The following SEMA3E variants were observed in gnomAD, a reference collection of about 807,000 sequenced individuals.
SEMA3E encodes semaphorin 3E.
In SEMA3E, 49 loss-of-function variants were observed where a neutral mutation model predicts 93.6. The observed-to-expected ratio is 0.52, with a 90% CI of 0.42 to 0.66. The LOEUF (loss-of-function observed/expected upper bound fraction) is 0.66. SEMA3E is among the 30% of genes least tolerant of loss of function. The pLI is 0.00. For missense variants in SEMA3E, 906 were observed against 964.8 expected (o/e 0.94, Z 0.81); for synonymous variants, 363 against 330.7 (o/e 1.10, Z -1.06).
At chr7:83,492,171 G>A (rs774014492) in intron 1 of SEMA3E, among the ~76,000 whole-genome samples, 1 of 151,954 alleles carries the variant, frequency 6.6e-6, no homozygotes, top group Non-Finnish European at 1.5e-5. Context: ...AGACTACAGA[G>A]CTACCCAAAA....
rs183472557 is a variant in SEMA3E, at chr7:83,609,859, T to C, written c.115+38569A>G. ...TGTACTGAATGCTTACTTTATTTTC[T>C]AATGTATTTTAAACCTTACATTTAT... On this transcript the variant is annotated intron_variant, in intron 1 of 16. Transcript: ENST00000643230. Among the ~76,000 whole-genome samples the C allele has an allele frequency of 2.3e-3, 347 of 152,094 alleles. 3 individuals carry two copies. Among genetic ancestry groups the C allele is most frequent in the Middle Eastern group, 3.4e-3 (1 of 292 alleles).
intron 4 of SEMA3E, among the ~76,000 whole-genome samples, chr7:83,451,028 T>C (rs1789349060): frequency 6.6e-6 from 1 of 152,102 alleles, no homozygotes; most frequent in Non-Finnish European, 1.5e-5. Flanking sequence ...ATGGGGGTAG[T>C]TTCCCCCATC....
At chr7:83,438,218 T>C (rs1789042902) in intron 4 of SEMA3E, among the ~76,000 whole-genome samples, 2 of 152,100 alleles carry the variant, frequency 1.3e-5, no homozygotes, top group African/African-American at 4.8e-5. Flanking sequence ...TGATAGAAAA[T>C]TCATCACATA....
chr7:83,488,779 G>A (rs1164209681), intron 2 of SEMA3E, among the ~76,000 whole-genome samples: 1 of 152,098 alleles, frequency 6.6e-6, no homozygotes. Context: ...GACAAGTGGA[G>A]CATGGAGGAT....
intron 1 of SEMA3E, among the ~76,000 whole-genome samples, chr7:83,631,878 G>A (rs760327584): frequency 2.0e-4 from 30 of 152,270 alleles, no homozygotes; most frequent in Middle Eastern, 3.4e-3. Context: ...CTGGTTGGCC[G>A]GGCACAGTGG....
chr7:83,386,857 A>G, intron 15 of SEMA3E, 126 bp downstream of exon 15: 1 of 856,240 alleles, frequency 1.2e-6, no homozygotes, highest in Non-Finnish European at 1.8e-6. Context: ...GAGAAAAAGA[A>G]TACTTATTAC....
At chr7:83,606,022 C>T (rs1386114833) in intron 1 of SEMA3E, among the ~76,000 whole-genome samples, 2 of 152,052 alleles carry the variant, frequency 1.3e-5, no homozygotes, top group Non-Finnish European at 2.9e-5. Flanking sequence ...GATCTTTGCC[C>T]ACATCTCAAA....
chr7:83,647,296 A>G (rs1178182217), intron 1 of SEMA3E, among the ~76,000 whole-genome samples: 1 of 152,192 alleles, frequency 6.6e-6, no homozygotes, highest in African/African-American at 2.4e-5. Context: ...AACGTGTCAC[A>G]TAAAATTGAG....
Position 83,619,941 on chromosome 7 carries a change from A to AGATAGATAGATAGATG in SEMA3E, c.115+28486_115+28487insCATCTATCTATCTATC, listed in dbSNP as rs1191709674. ...TAGATAGACAGATAGATAGATAGAT[A>AGATAGATAGATAGATG]GATGCAAAACCATGTTTGCTCTTTT... is the stretch of plus-strand genomic sequence containing the variant. On this transcript the variant is annotated intron_variant, in intron 1 of 16. Coordinates refer to ENST00000643230, the MANE Select transcript of SEMA3E (RefSeq NM_012431.3). Among the ~76,000 whole-genome samples, 12 of 152,018 alleles carry AGATAGATAGATAGATG rather than the reference A, an allele frequency of 7.9e-5. No individual in the cohort carries two copies. In the South Asian group the frequency reaches 2.5e-3, roughly 32 times the overall value.
rs1247360873 is a variant in SEMA3E, at chr7:83,386,912, T to C, written c.1735+71A>G. 8 of 1,336,980 alleles carry C rather than the reference T, an allele frequency of 6.0e-6. No individual in the cohort carries two copies. The East Asian group carries it at 1.2e-4, about 20-fold the overall frequency. The allele number at this position is 1,336,980 out of a possible 1,614,324, so 82.8% of individuals were successfully genotyped here. A position where few individuals can be genotyped will look rare whatever the true frequency, so the allele number is the denominator to read the frequency against. The stretch of plus-strand genomic sequence containing the variant: ...ATCACAAAGAAAAAAAGGACTCTTT[T>C]TAAGAAGTTTGTAGTTTATGTTCAA... On this transcript the variant is annotated intron_variant, in intron 15 of 16. Transcript: ENST00000643230.
intron 5 of SEMA3E, among the ~76,000 whole-genome samples, chr7:83,413,591 C>T (rs1047598881): frequency 3.3e-5 from 5 of 152,006 alleles, no homozygotes; most frequent in Admixed American, 6.6e-5. Context: ...TTCAACATCC[C>T]GGTTCACACT....
Position 83,367,640 on chromosome 7 carries a change from C to A in SEMA3E, c.2274G>T (p.Lys758Asn). The change falls in exon 17 of 17, where the codon AAG becomes AAT. Residue 758 changes from lysine (K) to asparagine (N), a missense_variant. Physicochemically the swap from Lys to Asn is moderately conservative, Grantham distance 94. Coordinates refer to ENST00000643230, the MANE Select transcript of SEMA3E (RefSeq NM_012431.3). ...KWKYANPQEK[K>N]LRSKPEHYRL... ...GGTAATGCTCAGGTTTGGAACGGAG[C>A]TTCTTTTCCTGAGGGTTGGCATACT... 2 of 1,614,164 alleles carry A rather than the reference C, an allele frequency of 1.2e-6. No homozygotes were observed. The highest frequency in any genetic ancestry group is 1.7e-6 in the Non-Finnish European group (2 of 1,180,020).
At position 83,408,885 on chromosome 7, in the gene SEMA3E, A is replaced by G. The variant is rs562084494; in HGVS notation, c.551-398T>C. On this transcript the variant is annotated intron_variant, in intron 5 of 16. Coordinates refer to ENST00000643230, the MANE Select transcript of SEMA3E (RefSeq NM_012431.3). Reference sequence around the variant, plus strand: ...TCCCTATCATCAGGGCTTTATCATTATGATTGTTATTGTGATGATTACAGG... The same window carrying G: ...TCCCTATCATCAGGGCTTTATCATTGTGATTGTTATTGTGATGATTACAGG... 1.8e-4 allele frequency among the ~76,000 whole-genome samples: 28 copies of G among 152,270 alleles called. No individual in the cohort carries two copies. The East Asian group carries it at 5.0e-3, about 27-fold the overall frequency.
At chr7:83,417,964 A>T (rs551539593) in intron 5 of SEMA3E, among the ~76,000 whole-genome samples, 1 of 152,298 alleles carries the variant, frequency 6.6e-6, no homozygotes, top group South Asian at 2.1e-4. Flanking sequence ...TTTCTGCTGA[A>T]TTCTACTAAT....
intron 1 of SEMA3E, among the ~76,000 whole-genome samples, chr7:83,598,783 ATTTGTATATGTC>A (rs1792926776): frequency 6.6e-6 from 1 of 152,214 alleles, no homozygotes. Flanking sequence ...TTTCTGAATC[ATTTGTATATGTC>A]TTTGTCATCA....
At chr7:83,416,454 C>T (rs1788541112) in intron 5 of SEMA3E, among the ~76,000 whole-genome samples, 2 of 152,144 alleles carry the variant, frequency 1.3e-5, no homozygotes, top group Admixed American at 1.3e-4. Flanking sequence ...CCTAGGGAGG[C>T]TGAGTAGTGA....
chr7:83,488,396 T>G (rs1368877961), intron 2 of SEMA3E, among the ~76,000 whole-genome samples: 2 of 151,910 alleles, frequency 1.3e-5, no homozygotes, highest in Non-Finnish European at 2.9e-5. Context: ...CAGAGATTAA[T>G]TAAAGAAGGG....
At chr7:83,405,738 C>A (rs1788316632) in intron 8 of SEMA3E, among the ~76,000 whole-genome samples, 1 of 152,024 alleles carries the variant, frequency 6.6e-6, no homozygotes, top group Admixed American at 6.6e-5. Context: ...GACACTGACT[C>A]TAAGCTAACA....
chr7:83,617,885 T>G (rs1793414327), intron 1 of SEMA3E, among the ~76,000 whole-genome samples: 1 of 151,944 alleles, frequency 6.6e-6, no homozygotes, highest in Non-Finnish European at 1.5e-5. Context: ...AATCTAAAAT[T>G]TAAATAATGC....
Sources: allele counts gnomAD v4.1 joint callset (sites outside exome capture counted in the v4.1 genomes callset), GRCh38; gene constraint gnomAD v4.1.1; transcripts MANE v1.5; gene names NCBI Gene and HGNC (gene_info 2026-07-23, HGNC 2026-07-21).